Variants in NBEA observed in about 807,000 individuals in gnomAD.
NBEA encodes neurobeachin.
In NBEA, 44 loss-of-function variants were observed where a neutral mutation model predicts 343.4. The ratio of observed to expected loss-of-function variants is 0.13; its 90% CI spans 0.10 to 0.16. NBEA has a LOEUF of 0.16. NBEA is among the 10% of genes least tolerant of loss of function. NBEA has a pLI of 1.00. For synonymous variants in NBEA, 1,175 were observed against 1,238.7 expected (o/e 0.95, Z 1.08); for missense variants, 2,555 against 3,631.3 (o/e 0.70, Z 7.62).
At chr13:35,142,606 T>A (rs945300564) in intron 18 of NBEA, among the ~76,000 whole-genome samples, 1 of 152,194 alleles carries the variant, frequency 6.6e-6, no homozygotes, top group Non-Finnish European at 1.5e-5. Context: ...CTTTTCTTCT[T>A]GTATGGGTTG....
In NBEA at chr13:35,479,716, G is replaced by GT. The variant is rs913772564; in HGVS notation, c.6585+7187dup. 4.6e-5 allele frequency among the ~76,000 whole-genome samples: 7 copies of GT among 152,096 alleles called. No homozygotes were observed. The East Asian group carries it at 1.4e-3, about 29-fold the overall frequency. On this transcript the variant is annotated intron_variant, in intron 41 of 58. Coordinates refer to ENST00000379939, the MANE Select transcript of NBEA (RefSeq NM_001385012.1). ...ATACATTTATGTATTAATGTGAAAA[G>GT]TTTTTTTAAAAAACTCCAGTTATAC...
intron 39 of NBEA, among the ~76,000 whole-genome samples, chr13:35,443,585 T>C (rs1270532812): frequency 6.6e-6 from 1 of 152,036 alleles, no homozygotes; most frequent in Non-Finnish European, 1.5e-5. Flanking sequence ...TCTGTATTTA[T>C]TAAATTTGCT....
At chr13:35,256,619 T>C (rs1010078767) in intron 34 of NBEA, among the ~76,000 whole-genome samples, 6 of 152,114 alleles carry the variant, frequency 3.9e-5, no homozygotes, top group Non-Finnish European at 2.9e-5. Context: ...GCCTGCAGGC[T>C]CACGCTAAGC....
At chr13:35,292,237 CTT>C (rs2035848247) in intron 35 of NBEA, among the ~76,000 whole-genome samples, 2 of 151,864 alleles carry the variant, frequency 1.3e-5, no homozygotes, top group African/African-American at 4.8e-5. Flanking sequence ...AAAATCATGT[CTT>C]TAGTTGTAAG....
chr13:35,550,434 A>G, intron 41 of NBEA, 43 bp from the exon 42 acceptor site: 3 of 1,148,294 alleles, frequency 2.6e-6, no homozygotes, highest in Non-Finnish European at 2.6e-6. Flanking sequence ...TCTTAAATCC[A>G]TATTTTATTG....
intron 35 of NBEA, among the ~76,000 whole-genome samples, chr13:35,302,664 A>G (rs1566589424): frequency 6.6e-6 from 1 of 152,236 alleles, no homozygotes; most frequent in Non-Finnish European, 1.5e-5. Flanking sequence ...ATGCACCAGG[A>G]AATATAAAAT....
At chr13:35,227,850 G>C (rs1275743763) in intron 33 of NBEA, among the ~76,000 whole-genome samples, 1 of 151,748 alleles carries the variant, frequency 6.6e-6, no homozygotes, top group Non-Finnish European at 1.5e-5. Context: ...AATAAGAATA[G>C]AATTATTATA....
intron 41 of NBEA, among the ~76,000 whole-genome samples, chr13:35,487,235 T>C (rs1256715886): frequency 6.6e-6 from 1 of 151,946 alleles, no homozygotes; most frequent in Admixed American, 6.6e-5. Flanking sequence ...TTTTCAATGA[T>C]ACATATGATT....
At chr13:35,184,657 G>A (rs759662266) in intron 30 of NBEA, among the ~76,000 whole-genome samples, 6 of 151,874 alleles carry the variant, frequency 4.0e-5, no homozygotes, top group Admixed American at 3.9e-4. Context: ...ATCAGATACG[G>A]ACATTATAGA....
chr13:35,223,695 T>C (rs1593819463), intron 33 of NBEA, among the ~76,000 whole-genome samples: 1 of 152,292 alleles, frequency 6.6e-6, no homozygotes, highest in East Asian at 1.9e-4. Flanking sequence ...AAATTCTCAC[T>C]CAATATCTCT....
intron 53 of NBEA, among the ~76,000 whole-genome samples, chr13:35,652,524 C>G (rs2084585386): frequency 2.0e-5 from 3 of 149,070 alleles, no homozygotes; most frequent in Admixed American, 2.0e-4. Flanking sequence ...ACCTGTAGTC[C>G]CAGCTACTCG....
chr13:35,392,582 T>C (rs1886406455), intron 38 of NBEA, among the ~76,000 whole-genome samples: 1 of 151,994 alleles, frequency 6.6e-6, no homozygotes, highest in South Asian at 2.1e-4. Flanking sequence ...ATCTAAATGC[T>C]ACTAGGAATG....
At chr13:34,966,073 G>A (rs2059811967) in intron 1 of NBEA, among the ~76,000 whole-genome samples, 1 of 151,932 alleles carries the variant, frequency 6.6e-6, no homozygotes, top group African/African-American at 2.4e-5. Flanking sequence ...ATTGGAAAAA[G>A]GAAATATGGT....
At chr13:35,156,268 A>T in intron 20 of NBEA, 62 bp downstream of exon 20, 1 of 1,415,328 alleles carries the variant, frequency 7.1e-7, no homozygotes, top group South Asian at 1.4e-5. Flanking sequence ...TCTCTTTTAG[A>T]TTTTCAATTC....
At chr13:35,056,179 C>T in intron 7 of NBEA, 50 bp downstream of exon 7, 1 of 1,442,304 alleles carries the variant, frequency 6.9e-7, no homozygotes, top group Non-Finnish European at 9.3e-7. Context: ...GGAGTATGAT[C>T]TATCATTACA....
At chr13:35,349,046 A>C in intron 36 of NBEA, 62 bp from the exon 37 acceptor site, 1 of 753,912 alleles carries the variant, frequency 1.3e-6, no homozygotes, top group Non-Finnish European at 2.0e-6. Context: ...CTGATTATTG[A>C]AAAAAATTGG....
chr13:35,279,914 A>G (rs1017717370), intron 34 of NBEA, among the ~76,000 whole-genome samples: 2 of 152,138 alleles, frequency 1.3e-5, no homozygotes, highest in Admixed American at 1.3e-4. Context: ...TAAGACATAA[A>G]CCTGGAGAAG....
At chr13:35,090,271 G>T (rs992671104) in intron 10 of NBEA, among the ~76,000 whole-genome samples, 2 of 151,800 alleles carry the variant, frequency 1.3e-5, no homozygotes, top group African/African-American at 4.8e-5. Context: ...ATTGTAGGAG[G>T]CGGGGAGAGG....
intron 1 of NBEA, among the ~76,000 whole-genome samples, chr13:34,954,545 A>T (rs1385718388): frequency 6.6e-6 from 1 of 152,120 alleles, no homozygotes; most frequent in African/African-American, 2.4e-5. Context: ...TCTTGCTTTA[A>T]CATTTCAGTT....
Sources: gnomAD v4.1 joint callset for allele counts (sites outside exome capture counted in the v4.1 genomes callset) on GRCh38, gnomAD v4.1.1 for gene constraint, MANE v1.5 for transcripts, NCBI Gene and HGNC (gene_info 2026-07-23, HGNC 2026-07-21) for gene names.